CERKL: variants seen among roughly 807,000 people sequenced by gnomAD.
CERKL encodes ceramide kinase-like protein.
In CERKL, 61 loss-of-function variants were observed where a neutral mutation model predicts 63.4. The observed-to-expected ratio is 0.96, with a 90% confidence interval of 0.78 to 1.19. CERKL has a LOEUF of 1.19. Ranked by LOEUF, CERKL falls within the 50% of genes most tolerant of loss-of-function variation. The pLI is 0.00. For synonymous variants in CERKL, 250 were observed against 230.5 expected (o/e 1.08, Z -0.77); for missense variants, 675 against 655.5 (o/e 1.03, Z -0.33).
chr2:181,589,086 T>C (rs1684882724), intron 2 of CERKL, among the ~76,000 whole-genome samples: 1 of 152,198 alleles, frequency 6.6e-6, no homozygotes, highest in African/African-American at 2.4e-5. Context: ...TTGGGTTTGA[T>C]GTAATCCAAC....
intron 2 of CERKL, among the ~76,000 whole-genome samples, chr2:181,578,259 G>T (rs1016586054): frequency 2.6e-5 from 4 of 151,572 alleles, no homozygotes; most frequent in East Asian, 2.0e-4. Flanking sequence ...TATGTGTGTG[G>T]GGGGGTATGT....
In CERKL at chr2:181,654,028, A is replaced by G. The variant is rs1688043159; in HGVS notation, c.238+2741T>C. Among the ~76,000 whole-genome samples, 5 of 152,280 alleles carry G rather than the reference A, an allele frequency of 3.3e-5. No homozygotes were observed. The South Asian group carries it at 1.0e-3, about 32-fold the overall frequency. On this transcript the variant is annotated intron_variant, in intron 1 of 12. Transcript: ENST00000410087. ...AAATAGTATCTCATAAATATATACA[A>G]TTACAATGTGTCAATTAAATTTTTT...
intron 2 of CERKL, among the ~76,000 whole-genome samples, chr2:181,599,865 G>C (rs1685384462): frequency 6.6e-6 from 1 of 152,054 alleles, no homozygotes; most frequent in African/African-American, 2.4e-5. Flanking sequence ...ACACCTGCAA[G>C]ATACAAGATG....
chr2:181,601,198 C>T (rs2105890315), intron 2 of CERKL, among the ~76,000 whole-genome samples: 1 of 152,256 alleles, frequency 6.6e-6, no homozygotes, highest in East Asian at 1.9e-4. Context: ...TTAATGAATA[C>T]CAGAACTACA....
chr2:181,637,604 G>C (rs140953486), intron 1 of CERKL, among the ~76,000 whole-genome samples: 3,264 of 152,152 alleles, frequency 0.021, 52 homozygotes, highest in Non-Finnish European at 0.034. Context: ...GAACAACCCA[G>C]AGCTTTGAGG....
chr2:181,612,506 T>C (rs1686009099), intron 1 of CERKL, among the ~76,000 whole-genome samples: 1 of 152,174 alleles, frequency 6.6e-6, no homozygotes, highest in Non-Finnish European at 1.5e-5. Flanking sequence ...CCATAAAGTA[T>C]GTGCTTCTTT....
At chr2:181,578,817 G>GGATACATTTTGTA (rs1684374151) in intron 2 of CERKL, among the ~76,000 whole-genome samples, 2 of 151,958 alleles carry the variant, frequency 1.3e-5, no homozygotes, top group African/African-American at 4.8e-5. Flanking sequence ...GTATGGATGA[G>GGATACATTTTGTA]TCCTTGAGGA....
intron 3 of CERKL, among the ~76,000 whole-genome samples, chr2:181,566,417 A>G (rs570230391): frequency 1.3e-5 from 2 of 152,166 alleles, no homozygotes; most frequent in East Asian, 3.9e-4. Context: ...GTATTCCCTA[A>G]ATAAGACACA....
At chr2:181,618,282 T>A (rs1355890820) in intron 1 of CERKL, among the ~76,000 whole-genome samples, 1 of 146,360 alleles carries the variant, frequency 6.8e-6, no homozygotes, top group Non-Finnish European at 1.5e-5. Flanking sequence ...TTTTTTTTTT[T>A]AGAAAAGGGA....
intron 1 of CERKL, among the ~76,000 whole-genome samples, chr2:181,618,361 A>T (rs773420233): frequency 6.6e-6 from 1 of 151,898 alleles, no homozygotes; most frequent in Non-Finnish European, 1.5e-5. Context: ...AGTTATTTTT[A>T]ATACAAATAT....
intron 1 of CERKL, among the ~76,000 whole-genome samples, chr2:181,648,281 G>GA (rs1687750615): frequency 6.6e-6 from 1 of 152,000 alleles, no homozygotes; most frequent in Non-Finnish European, 1.5e-5. Flanking sequence ...ATCTGCAAGA[G>GA]AAAAGCATCA....
chr2:181,653,836 T>C (rs1688035436), intron 1 of CERKL, among the ~76,000 whole-genome samples: 1 of 152,160 alleles, frequency 6.6e-6, no homozygotes, highest in Non-Finnish European at 1.5e-5. Context: ...TGGTGTTTTG[T>C]TGCATAGTAT....
chr2:181,603,008 A>T (rs1359281568), intron 2 of CERKL: 1 of 164,100 alleles, frequency 6.1e-6, no homozygotes, highest in Non-Finnish European at 1.3e-5. Flanking sequence ...AATTTTATTT[A>T]GTATGCAAAA....
chr2:181,619,594 A>G (rs1308641272), intron 1 of CERKL, among the ~76,000 whole-genome samples: 4 of 152,212 alleles, frequency 2.6e-5, no homozygotes, highest in Non-Finnish European at 4.4e-5. Context: ...TTTACTATCA[A>G]TCAGAAAATC....
chr2:181,598,847 T>C (rs2105887247), intron 2 of CERKL, among the ~76,000 whole-genome samples: 1 of 149,934 alleles, frequency 6.7e-6, no homozygotes, highest in South Asian at 2.1e-4. Flanking sequence ...ACACACAACA[T>C]ACACCATAGT....
At position 181,537,500 on chromosome 2, in the gene CERKL, G is replaced by A. The variant is rs941351410; in HGVS notation, c.*684C>T. On this transcript the variant is annotated 3_prime_UTR_variant, in exon 13 of 13. Transcript: ENST00000410087. ...AGGGATGGGTTATTCTTTTTTGGCAGGTAGGCTATATAACTATGTGATTTT... is the reference window on the plus strand; with the variant it reads ...AGGGATGGGTTATTCTTTTTTGGCAAGTAGGCTATATAACTATGTGATTTT... The A allele has an allele frequency of 1.1e-5, 5 of 453,372 alleles. No homozygotes were observed. Among genetic ancestry groups the A allele is most frequent in the African/African-American group, 1.0e-4 (5 of 49,934 alleles). 28.1% of individuals were successfully genotyped at this position (453,372 alleles called of 1,614,324 possible). A position where few individuals can be genotyped will look rare whatever the true frequency, so the allele number is the denominator to read the frequency against.
chr2:181,539,074 TGAAATAAATA>T lies in CERKL; in HGVS notation c.1538+8_1538+17del, dbSNP rs757126787. 4 of 1,516,768 alleles carry T rather than the reference TGAAATAAATA, an allele frequency of 2.6e-6. No homozygotes were observed. The highest frequency in any genetic ancestry group is 1.7e-5 in the Admixed American group (1 of 59,856). 94.0% of individuals were successfully genotyped at this position (1,516,768 alleles called of 1,614,324 possible). A position where few individuals can be genotyped will look rare whatever the true frequency, so the allele number is the denominator to read the frequency against. ...ATGTTTACTGGTTGACAATAAGCGG[TGAAATAAATA>T]GACTTACCTAATATGGACCTCTGAT... On this transcript the variant is annotated splice_region_variant and intron_variant, in intron 12 of 12. Coordinates refer to ENST00000410087, the MANE Select transcript of CERKL (RefSeq NM_201548.5).
At chr2:181,597,929 C>G (rs1484980935) in intron 2 of CERKL, among the ~76,000 whole-genome samples, 1 of 152,096 alleles carries the variant, frequency 6.6e-6, no homozygotes, top group Non-Finnish European at 1.5e-5. Flanking sequence ...TTGCCAAAAC[C>G]CCTTTGGGAC....
chr2:181,576,309 A>G (rs1186584667), intron 2 of CERKL, among the ~76,000 whole-genome samples: 1 of 130,384 alleles, frequency 7.7e-6, no homozygotes, highest in Non-Finnish European at 1.6e-5. Flanking sequence ...GTTGGGGACA[A>G]AATATTTATA....
Sources: gnomAD v4.1 joint callset for allele counts (sites outside exome capture counted in the v4.1 genomes callset) on GRCh38, gnomAD v4.1.1 for gene constraint, MANE v1.5 for transcripts, NCBI Gene and HGNC (gene_info 2026-07-23, HGNC 2026-07-21) for gene names.